Variants in TRMT61B observed in about 807,000 individuals in gnomAD.
The protein encoded by TRMT61B is tRNA (adenine(58)-N(1))-methyltransferase, mitochondrial.
A neutral mutation model predicts 52.0 loss-of-function variants in TRMT61B; 56 were observed. The ratio of observed to expected loss-of-function variants is 1.08; its 90% CI spans 0.87 to 1.35. The LOEUF (loss-of-function observed/expected upper bound fraction) is 1.35. Ranked by LOEUF, TRMT61B falls within the 40% of genes most tolerant of loss-of-function variation. TRMT61B has a pLI of 0.00. For synonymous variants in TRMT61B, 206 were observed against 220.0 expected, an observed-to-expected ratio of 0.94 and a Z score of 0.56; for missense variants, 650 against 577.9, an observed-to-expected ratio of 1.12 and a Z score of -1.28.
Position 28,849,978 on chromosome 2 carries a change from C to A in TRMT61B, c.*221G>T. 2 of 1,458,944 alleles carry A rather than the reference C, an allele frequency of 1.4e-6. No individual in the cohort carries two copies. Among genetic ancestry groups the A allele is most frequent in the Non-Finnish European group, 1.9e-6 (2 of 1,057,018 alleles). The allele number at this position is 1,458,944 out of a possible 1,614,324, so 90.4% of individuals were successfully genotyped here. A position where few individuals can be genotyped will look rare whatever the true frequency, so the allele number is the denominator to read the frequency against. Reference sequence around the variant, plus strand: ...TAAACCAATTTGGAATCATTAACTACAAAATGTCAAACTAACTGCAAGACA... The same window carrying A: ...TAAACCAATTTGGAATCATTAACTAAAAAATGTCAAACTAACTGCAAGACA... On this transcript the variant is annotated 3_prime_UTR_variant, in exon 7 of 7. Transcript: ENST00000306108.
chr2:28,857,473 T>A (rs144714931), intron 3 of TRMT61B, among the ~76,000 whole-genome samples: 2 of 152,138 alleles, frequency 1.3e-5, no homozygotes, highest in African/African-American at 2.4e-5. Context: ...AAAGGGAGAA[T>A]AGAGTTTAAA....
rs182493436 is a variant in TRMT61B at position 28,856,878 on chromosome 2, G to A, written c.993+4240C>T. On this transcript the variant is annotated intron_variant, in intron 3 of 6. Transcript: ENST00000306108. Reference sequence around the variant, plus strand: ...TCTCGAACTCCTGACCTCATGATCCGCCCGCCTTGGCCTCCCAAAGTACTG... The same window carrying A: ...TCTCGAACTCCTGACCTCATGATCCACCCGCCTTGGCCTCCCAAAGTACTG... Among the ~76,000 whole-genome samples, 258 of 151,286 alleles carry A rather than the reference G, an allele frequency of 1.7e-3. 2 individuals carry two copies. The highest frequency in any genetic ancestry group is 2.8e-3 in the Non-Finnish European group (192 of 67,866).
Position 28,852,387 on chromosome 2 carries a change from A to G in TRMT61B, c.1085+21T>C, listed in dbSNP as rs1342156555. ...TGCACTTAAAAGTTACATTACAAAGAAAAACAGTTATATTACTCACTTTAC... is the reference window on the plus strand; with the variant it reads ...TGCACTTAAAAGTTACATTACAAAGGAAAACAGTTATATTACTCACTTTAC... On this transcript the variant is annotated intron_variant, in intron 4 of 6. Coordinates refer to ENST00000306108, the MANE Select transcript of TRMT61B (RefSeq NM_017910.4). The G allele has an allele frequency of 2.8e-6, 4 of 1,435,138 alleles. No homozygotes were observed. The East Asian group carries it at 9.2e-5, about 33-fold the overall frequency. 88.9% of individuals were successfully genotyped at this position (1,435,138 alleles called of 1,614,324 possible). A position where few individuals can be genotyped will look rare whatever the true frequency, so the allele number is the denominator to read the frequency against.
intron 4 of TRMT61B, among the ~76,000 whole-genome samples, chr2:28,851,909 A>C (rs980135199): frequency 6.8e-6 from 1 of 147,686 alleles, no homozygotes; most frequent in African/African-American, 2.6e-5. Flanking sequence ...AAACGAAAAA[A>C]GTTTAAAAAA....
At chr2:28,868,815 C>G (rs775044206) in intron 1 of TRMT61B, among the ~76,000 whole-genome samples, 1 of 152,230 alleles carries the variant, frequency 6.6e-6, no homozygotes, top group Admixed American at 6.5e-5. Context: ...GAGTTGAAGA[C>G]CAGCCTGGGC....
chr2:28,851,564 A>G (rs1669097427), intron 4 of TRMT61B, among the ~76,000 whole-genome samples: 1 of 152,230 alleles, frequency 6.6e-6, no homozygotes, highest in African/African-American at 2.4e-5. Context: ...ATCTTATATT[A>G]CTATTTATGT....
At position 28,850,218 on chromosome 2, in the gene TRMT61B, A is replaced by G. The variant is rs1669012202; in HGVS notation, c.1415T>C (p.Val472Ala). The G allele has an allele frequency of 6.2e-7, 1 of 1,611,866 alleles. No homozygotes were observed. Among genetic ancestry groups the G allele is most frequent in the African/African-American group, 1.3e-5 (1 of 74,994 alleles). ...HTAFLVKLRK[V>A]KPQLN ...GAGTACTCAGTTAAGTTGTGGTTTGACCTTCCTCAACTTGACAAGAAAAGC... is the reference window on the plus strand; with the variant it reads ...GAGTACTCAGTTAAGTTGTGGTTTGGCCTTCCTCAACTTGACAAGAAAAGC... Residue 472 changes from valine (V) to alanine (A), a missense_variant, in exon 7 of 7, where the codon GTC becomes GCC. By Grantham distance (64) the Val-to-Ala change is moderately conservative (BLOSUM62 0). Coordinates refer to ENST00000306108, the MANE Select transcript of TRMT61B (RefSeq NM_017910.4).
At position 28,850,117 on chromosome 2, in the gene TRMT61B, T is replaced by A; in HGVS notation, c.*82A>T. 2 of 1,360,124 alleles carry A rather than the reference T, an allele frequency of 1.5e-6. No homozygotes were observed. The highest frequency in any genetic ancestry group is 4.6e-5 in the East Asian group (2 of 43,338). The allele number at this position is 1,360,124 out of a possible 1,614,324, so 84.3% of individuals were successfully genotyped here. The stretch of plus-strand genomic sequence containing the variant: ...TCATAGTAATAGCTAAAAATGCCAA[T>A]CTATGGAAGCAGTGATTTTCAATAT... On this transcript the variant is annotated 3_prime_UTR_variant, in exon 7 of 7. Transcript: ENST00000306108.
intron 2 of TRMT61B, among the ~76,000 whole-genome samples, chr2:28,863,535 G>T (rs1215767141): frequency 2.6e-5 from 4 of 151,986 alleles, no homozygotes; most frequent in African/African-American, 9.7e-5. Context: ...TATAGTTTAG[G>T]ATTATTCAAG....
intron 1 of TRMT61B, among the ~76,000 whole-genome samples, chr2:28,867,339 C>T (rs1669894197): frequency 2.0e-5 from 3 of 152,192 alleles, no homozygotes; most frequent in Non-Finnish European, 1.5e-5. Flanking sequence ...AAATGATCCT[C>T]CTGCCTCAGC....
At position 28,869,912 on chromosome 2, in the gene TRMT61B, A is replaced by G. The variant is rs1463857113; in HGVS notation, c.366T>C (p.Pro122=). 1 of 1,613,736 alleles carries G rather than the reference A, an allele frequency of 6.2e-7. No individual in the cohort carries two copies. Among genetic ancestry groups the G allele is most frequent in the East Asian group, 2.2e-5 (1 of 44,882 alleles). ...CGGACTGGGCCTGCGAGAGCATCGA[A>G]GGATCCTCGGATCCCTGGTGTGTGG... ...CGPTHQGSED[P]SMLSQAQSAT... is the part of the protein sequence containing the mutation. The change falls in exon 1 of 7, where the codon CCT becomes CCC. Residue 122 remains proline, a synonymous_variant. Transcript: ENST00000306108.
At chr2:28,858,272 C>T (rs895258041) in intron 3 of TRMT61B, among the ~76,000 whole-genome samples, 3 of 151,924 alleles carry the variant, frequency 2.0e-5, no homozygotes, top group Admixed American at 2.0e-4. Flanking sequence ...GATCTCCTGG[C>T]CTTGTGATCT....
At chr2:28,861,385 G>T in intron 2 of TRMT61B, 77 bp from the exon 3 acceptor site, 1 of 1,130,710 alleles carries the variant, frequency 8.8e-7, no homozygotes, top group Non-Finnish European at 1.2e-6. Flanking sequence ...TTTTGCAAAG[G>T]TACTACATGT....
chr2:28,861,512 C>T (rs1669597009), intron 2 of TRMT61B: 1 of 519,684 alleles, frequency 1.9e-6, no homozygotes. Context: ...TTTACCTTTC[C>T]CATGATAGTC....
chr2:28,860,128 T>A (rs1214665554), intron 3 of TRMT61B, among the ~76,000 whole-genome samples: 2 of 151,296 alleles, frequency 1.3e-5, no homozygotes, highest in Admixed American at 1.3e-4. Context: ...AAAAATTAGC[T>A]GGCCATGGTG....
Position 28,852,436 on chromosome 2 carries a change from C to G in TRMT61B, c.1057G>C (p.Gly353Arg). The G allele has an allele frequency of 6.2e-7, 1 of 1,610,484 alleles. No individual in the cohort carries two copies. Among genetic ancestry groups the G allele is most frequent in the Non-Finnish European group, 8.5e-7 (1 of 1,177,420 alleles). ...ACTACATATACAGCACATACACCAC[C>G]ATGCTTAAGATGTGGGTAAAAAACA... Reference protein sequence around the residue: ...LPVFYPHLKHGGVCAVYVVNI... With the variant: ...LPVFYPHLKHRGVCAVYVVNI... Residue 353 changes from glycine (G) to arginine (R), a missense_variant, in exon 4 of 7, where the codon GGT (glycine) becomes CGT (arginine). By Grantham distance (125) the Gly-to-Arg change is moderately radical (BLOSUM62 -2). Transcript: ENST00000306108.
intron 2 of TRMT61B, among the ~76,000 whole-genome samples, chr2:28,862,159 T>C (rs1164229096): frequency 7.5e-6 from 1 of 133,004 alleles, no homozygotes; most frequent in African/African-American, 2.9e-5. Context: ...TGAGCCAAGA[T>C]GCGCCACTGC....
chr2:28,858,302 A>T lies in TRMT61B; in HGVS notation c.993+2816T>A, dbSNP rs1483625924. On this transcript the variant is annotated intron_variant, in intron 3 of 6. Transcript: ENST00000306108. ...TGATCTGCCCGCCTCGGCCTCCCAA[A>T]GTGCTGGGATTACAGGTGTGAGCCA... 4.6e-5 allele frequency among the ~76,000 whole-genome samples: 7 copies of T among 151,554 alleles called. 1 individual carries two copies. Among genetic ancestry groups the T allele is most frequent in the Middle Eastern group, 6.8e-3 (2 of 294 alleles).
intron 1 of TRMT61B, among the ~76,000 whole-genome samples, chr2:28,867,695 C>G (rs1410468050): frequency 6.6e-6 from 1 of 152,082 alleles, no homozygotes; most frequent in Non-Finnish European, 1.5e-5. Context: ...CTGATTTTGT[C>G]TAATGGGGAG....
Sources: gnomAD v4.1 joint callset for allele counts (sites outside exome capture counted in the v4.1 genomes callset) on GRCh38, gnomAD v4.1.1 for gene constraint, MANE v1.5 for transcripts, NCBI Gene and HGNC (gene_info 2026-07-23, HGNC 2026-07-21) for gene names.